PARD3: variants seen among roughly 807,000 people sequenced by gnomAD.
PARD3 encodes the protein par-3 family cell polarity regulator.
A neutral mutation model predicts 155.4 loss-of-function variants in PARD3; 75 were observed. That is an observed-to-expected ratio of 0.48 (90% CI 0.40 to 0.58). The LOEUF (loss-of-function observed/expected upper bound fraction) is 0.58. Among genes scored for constraint, PARD3 ranks in the 20% least tolerant of loss-of-function variants. PARD3 has a pLI of 0.00. For missense variants in PARD3, 1,642 were observed against 1,721.7 expected (o/e 0.95, Z 0.82); for synonymous variants, 576 against 610.5 (o/e 0.94, Z 0.83).
intron 24 of PARD3, among the ~76,000 whole-genome samples, chr10:34,113,496 AACACACACAC>A (rs58408464): frequency 4.3e-4 from 64 of 148,122 alleles, no homozygotes; most frequent in African/African-American, 1.5e-3. Context: ...ATAAGACAGA[AACACACACAC>A]ACACACACAC....
intron 1 of PARD3, among the ~76,000 whole-genome samples, chr10:34,764,474 A>G (rs1277397744): frequency 6.6e-6 from 1 of 152,118 alleles, no homozygotes; most frequent in Non-Finnish European, 1.5e-5. Context: ...GAAAAATGAT[A>G]TATTTTGGGG....
chr10:34,391,069 G>T (rs1205128857), intron 7 of PARD3, among the ~76,000 whole-genome samples: 1 of 152,166 alleles, frequency 6.6e-6, no homozygotes, highest in African/African-American at 2.4e-5. Context: ...ATCTTAAACT[G>T]CAAGGATGTC....
chr10:34,282,235 A>C (rs2133923790), intron 21 of PARD3, among the ~76,000 whole-genome samples: 1 of 152,128 alleles, frequency 6.6e-6, no homozygotes, highest in South Asian at 2.1e-4. Context: ...AAGTATAATA[A>C]TTTTCTTAAA....
At chr10:34,741,828 A>G (rs535166500) in intron 1 of PARD3, among the ~76,000 whole-genome samples, 1 of 152,362 alleles carries the variant, frequency 6.6e-6, no homozygotes, top group South Asian at 2.1e-4. Context: ...AAATTAACAA[A>G]AGTTGATAAA....
chr10:34,362,128 T>C (rs1039816407), intron 12 of PARD3, among the ~76,000 whole-genome samples: 2 of 152,004 alleles, frequency 1.3e-5, no homozygotes, highest in African/African-American at 4.8e-5. Context: ...TGAAACCCCA[T>C]CTCTACTAAA....
chr10:34,711,513 C>G (rs1052883323), intron 1 of PARD3, among the ~76,000 whole-genome samples: 6 of 152,178 alleles, frequency 3.9e-5, no homozygotes, highest in Admixed American at 1.3e-4. Flanking sequence ...GGGCGAGACT[C>G]TGTCTCAAAA....
At chr10:34,762,959 C>T (rs919631804) in intron 1 of PARD3, among the ~76,000 whole-genome samples, 2 of 152,206 alleles carry the variant, frequency 1.3e-5, no homozygotes, top group Non-Finnish European at 2.9e-5. Context: ...TTCAAATCAA[C>T]ACTCCATACA....
intron 1 of PARD3, among the ~76,000 whole-genome samples, chr10:34,707,944 AC>A (rs1317656285): frequency 2.6e-5 from 4 of 152,218 alleles, no homozygotes; most frequent in Non-Finnish European, 4.4e-5. Flanking sequence ...TTTTTATGCA[AC>A]AAACAAAAGA....
intron 1 of PARD3, among the ~76,000 whole-genome samples, chr10:34,697,774 C>G (rs1051479928): frequency 6.7e-6 from 1 of 150,304 alleles, no homozygotes; most frequent in Admixed American, 6.6e-5. Context: ...CAAACACTCA[C>G]ACACACACAC....
chr10:34,796,787 C>T (rs535664368), intron 1 of PARD3, among the ~76,000 whole-genome samples: 1 of 152,264 alleles, frequency 6.6e-6, no homozygotes, highest in East Asian at 1.9e-4. Flanking sequence ...GAGTTCAAGG[C>T]CAGCCTGGCC....
chr10:34,345,173 A>G, intron 15 of PARD3: 1 of 985,272 alleles, frequency 1.0e-6, no homozygotes, highest in Non-Finnish European at 1.2e-6. Flanking sequence ...AAAAAACATC[A>G]TGGGATATCA....
intron 2 of PARD3, among the ~76,000 whole-genome samples, chr10:34,636,567 A>C (rs1489556162): frequency 6.6e-6 from 1 of 152,196 alleles, no homozygotes; most frequent in Non-Finnish European, 1.5e-5. Context: ...ATCACACTGC[A>C]CCTAAGTCAC....
intron 3 of PARD3, among the ~76,000 whole-genome samples, chr10:34,471,649 G>T (rs1415114735): frequency 6.6e-6 from 1 of 152,108 alleles, no homozygotes; most frequent in African/African-American, 2.4e-5. Flanking sequence ...CCGCCTCCTG[G>T]GTTCAAGTGA....
intron 2 of PARD3, among the ~76,000 whole-genome samples, chr10:34,594,358 A>G (rs1270533017): frequency 6.6e-6 from 1 of 152,194 alleles, no homozygotes; most frequent in Non-Finnish European, 1.5e-5. Flanking sequence ...TCTTGAGGAA[A>G]GTGTGTACAG....
chr10:34,188,579 C>A (rs1274318359), intron 22 of PARD3, among the ~76,000 whole-genome samples: 1 of 152,102 alleles, frequency 6.6e-6, no homozygotes, highest in Non-Finnish European at 1.5e-5. Flanking sequence ...CACACACACC[C>A]AAATTCATTC....
chr10:34,317,349 A>G lies in PARD3; in HGVS notation c.2834-11T>C, dbSNP rs1226518634. The G allele has an allele frequency of 1.3e-6, 2 of 1,582,528 alleles. No individual in the cohort carries two copies. Among genetic ancestry groups the G allele is most frequent in the Non-Finnish European group, 1.7e-6 (2 of 1,169,274 alleles). On this transcript the variant is annotated splice_polypyrimidine_tract_variant and intron_variant, in intron 19 of 24. Transcript: ENST00000374788. ...CTGTGTCTTCTTCCACTTGGAAGGA[A>G]AGAAAAAAAAATAGGGACACAGTGA...
At chr10:34,795,021 G>C (rs1056187293) in intron 1 of PARD3, among the ~76,000 whole-genome samples, 2 of 152,256 alleles carry the variant, frequency 1.3e-5, no homozygotes, top group African/African-American at 4.8e-5. Context: ...TTGGCAAATA[G>C]AATACAGGGA....
chr10:34,646,645 C>G (rs1175958985), intron 2 of PARD3, among the ~76,000 whole-genome samples: 1 of 152,190 alleles, frequency 6.6e-6, no homozygotes, highest in Non-Finnish European at 1.5e-5. Context: ...GCGTTTCCCA[C>G]ATCACATCTC....
At chr10:34,295,925 C>T (rs74131683) in intron 20 of PARD3, among the ~76,000 whole-genome samples, 2,349 of 152,278 alleles carry the variant, frequency 0.015, 68 homozygotes, top group African/African-American at 0.054. Context: ...CTTCCATACC[C>T]ATTCTTTCAT....
Sources: gnomAD v4.1 joint callset for allele counts (sites outside exome capture counted in the v4.1 genomes callset) on GRCh38, gnomAD v4.1.1 for gene constraint, MANE v1.5 for transcripts, NCBI Gene and HGNC (gene_info 2026-07-23, HGNC 2026-07-21) for gene names.